The following MGAT4C variants were observed in gnomAD, a reference collection of about 807,000 sequenced individuals.
MGAT4C encodes the protein MGAT4 family member C, also known as alpha-1,3-mannosyl-glycoprotein 4-beta-N-acetylglucosaminyltransferase C.
In MGAT4C, 19 loss-of-function variants were observed where a neutral mutation model predicts 40.1. The observed-to-expected ratio is 0.47, with a 90% CI of 0.33 to 0.70. The LOEUF is 0.70. Ranked by LOEUF, MGAT4C falls within the 30% of genes least tolerant of loss-of-function variation. The probability of loss-of-function intolerance (pLI) is 0.02; values close to 1 mark genes in which losing one functional copy is unlikely to be tolerated. For missense variants in MGAT4C, 491 were observed against 563.2 expected, an observed-to-expected ratio of 0.87 and a Z score of 1.30; for synonymous variants, 181 against 187.1, an observed-to-expected ratio of 0.97 and a Z score of 0.27.
chr12:86,317,473 CATT>C (rs1592689356), intron 4 of MGAT4C, among the ~76,000 whole-genome samples: 1 of 151,974 alleles, frequency 6.6e-6, no homozygotes, highest in South Asian at 2.1e-4. Context: ...AATATTAACA[CATT>C]GTTGAGACAT....
chr12:86,740,353 T>C (rs1951049376), intron 1 of MGAT4C, among the ~76,000 whole-genome samples: 1 of 151,140 alleles, frequency 6.6e-6, no homozygotes, highest in South Asian at 2.1e-4. Flanking sequence ...CTTTCTTTTG[T>C]AGATTTTGTT....
chr12:86,551,038 C>G (rs1372428875), intron 2 of MGAT4C, among the ~76,000 whole-genome samples: 1 of 152,158 alleles, frequency 6.6e-6, no homozygotes, highest in African/African-American at 2.4e-5. Flanking sequence ...ACATCTCAAG[C>G]CCAAGACAGA....
chr12:86,364,315 C>A lies in MGAT4C; in HGVS notation c.-119-30188G>T, dbSNP rs568323942. Among the ~76,000 whole-genome samples the A allele has an allele frequency of 3.3e-5, 5 of 152,176 alleles. No homozygotes were observed. The East Asian group carries it at 9.7e-4, about 29-fold the overall frequency. ...TGAACATAGATACAAATATTTTCAA[C>A]AAAATATAACATGTTGTTGCAATTG... On this transcript the variant is annotated intron_variant, in intron 3 of 7. Coordinates refer to the MGAT4C transcript ENST00000548651.
chr12:86,818,604 C>T (rs921686503), intron 1 of MGAT4C, among the ~76,000 whole-genome samples: 10 of 150,820 alleles, frequency 6.6e-5, no homozygotes, highest in Admixed American at 4.0e-4. Context: ...AGAAGCACAA[C>T]GGCTCCCGTG....
intron 1 of MGAT4C, among the ~76,000 whole-genome samples, chr12:86,140,123 T>C (rs1882621618): frequency 3.9e-5 from 6 of 152,190 alleles, no homozygotes; most frequent in African/African-American, 1.4e-4. Context: ...CTTCATATGA[T>C]AAACTTCTTC....
chr12:86,333,994 A>G (rs1414561775), intron 4 of MGAT4C: 2 of 152,190 alleles, frequency 1.3e-5, no homozygotes, highest in Non-Finnish European at 2.9e-5. Flanking sequence ...ATCTTAACAA[A>G]TGCCATATCA....
intron 1 of MGAT4C, among the ~76,000 whole-genome samples, chr12:86,056,718 G>C (rs1394381220): frequency 1.3e-5 from 2 of 152,058 alleles, no homozygotes; most frequent in African/African-American, 4.8e-5. Context: ...CTTTATAGTA[G>C]CATTATTTAT....
intron 4 of MGAT4C, among the ~76,000 whole-genome samples, chr12:86,277,897 G>A (rs934589962): frequency 7.2e-5 from 11 of 152,094 alleles, no homozygotes; most frequent in Admixed American, 5.9e-4. Context: ...GGGGTTCCAT[G>A]TAAATTTTAG....
chr12:86,231,884 A>C (rs957206398), intron 1 of MGAT4C, among the ~76,000 whole-genome samples: 10 of 152,332 alleles, frequency 6.6e-5, no homozygotes, highest in African/African-American at 2.4e-4. Context: ...CATGCTTGTA[A>C]TTCCAGCACT....
chr12:86,418,201 T>C (rs1254740034), intron 3 of MGAT4C, among the ~76,000 whole-genome samples: 1 of 152,176 alleles, frequency 6.6e-6, no homozygotes, highest in East Asian at 1.9e-4. Flanking sequence ...CATGACTAAC[T>C]GTAGGTAGAT....
chr12:86,614,395 T>C (rs1320117257), intron 2 of MGAT4C, among the ~76,000 whole-genome samples: 1 of 152,058 alleles, frequency 6.6e-6, no homozygotes, highest in Non-Finnish European at 1.5e-5. Flanking sequence ...ATGCAGTGAG[T>C]GTGGGATAAA....
intron 1 of MGAT4C, among the ~76,000 whole-genome samples, chr12:86,136,932 C>G (rs998413079): frequency 6.6e-6 from 1 of 152,092 alleles, no homozygotes; most frequent in Admixed American, 6.5e-5. Context: ...GTGATCCGCC[C>G]ACATCGGCCT....
At chr12:86,534,762 G>T (rs190364622) in intron 2 of MGAT4C, among the ~76,000 whole-genome samples, 1 of 152,182 alleles carries the variant, frequency 6.6e-6, no homozygotes, top group African/African-American at 2.4e-5. Context: ...CTTCATAATA[G>T]ATGTAATTAT....
intron 1 of MGAT4C, among the ~76,000 whole-genome samples, chr12:86,117,269 C>G (rs1028790166): frequency 4.6e-5 from 7 of 152,062 alleles, no homozygotes; most frequent in African/African-American, 1.7e-4. Flanking sequence ...ATTGCATGAC[C>G]TTGCTAATAC....
chr12:86,610,822 G>A (rs945711187), intron 2 of MGAT4C, among the ~76,000 whole-genome samples: 2 of 149,960 alleles, frequency 1.3e-5, no homozygotes, highest in Admixed American at 6.7e-5. Context: ...AATGAGAGAC[G>A]GGAAAGTAGT....
chr12:86,380,569 T>C (rs1270663852), intron 3 of MGAT4C, among the ~76,000 whole-genome samples: 1 of 152,150 alleles, frequency 6.6e-6, no homozygotes. Flanking sequence ...GTCTCTTCCA[T>C]GCCTAAAAGA....
At chr12:86,041,371 T>C (rs752693329) in intron 2 of MGAT4C, among the ~76,000 whole-genome samples, 3 of 152,138 alleles carry the variant, frequency 2.0e-5, no homozygotes, top group Non-Finnish European at 4.4e-5. Flanking sequence ...GAAGTTGAGA[T>C]ACTTTGCTGT....
At chr12:86,384,497 C>T (rs1050499762) in intron 3 of MGAT4C, among the ~76,000 whole-genome samples, 1 of 152,086 alleles carries the variant, frequency 6.6e-6, no homozygotes, top group East Asian at 1.9e-4. Flanking sequence ...TAAGGCAGGG[C>T]TTATCATTAT....
intron 4 of MGAT4C, among the ~76,000 whole-genome samples, chr12:86,314,578 G>A (rs964926413): frequency 1.3e-5 from 2 of 152,298 alleles, no homozygotes; most frequent in East Asian, 1.9e-4. Flanking sequence ...TAGAAATGAC[G>A]AAGGACTTCA....
Sources: allele counts gnomAD v4.1 joint callset (sites outside exome capture counted in the v4.1 genomes callset), GRCh38; gene constraint gnomAD v4.1.1; transcripts MANE v1.5; gene names NCBI Gene and HGNC (gene_info 2026-07-23, HGNC 2026-07-21).